Variants in KIF26B observed in about 807,000 individuals in gnomAD.
KIF26B encodes the protein kinesin-like protein KIF26B.
In KIF26B, 63 loss-of-function variants were observed where a neutral mutation model predicts 151.2. That is an observed-to-expected ratio of 0.42 (90% confidence interval 0.34 to 0.51). KIF26B has a LOEUF of 0.51. Ranked by LOEUF, KIF26B falls within the 20% of genes least tolerant of loss-of-function variation. The pLI is 0.07. For synonymous variants in KIF26B, 1,357 were observed against 1,262.1 expected, an observed-to-expected ratio of 1.08 and a Z score of -1.59; for missense variants, 2,813 against 2,913.6, an observed-to-expected ratio of 0.97 and a Z score of 0.79.
At chr1:245,670,037 A>G (rs896830115) in intron 10 of KIF26B, among the ~76,000 whole-genome samples, 4 of 152,076 alleles carry the variant, frequency 2.6e-5, no homozygotes, top group Non-Finnish European at 4.4e-5. Context: ...AACATATACT[A>G]CTTCGGTGAC....
At chr1:245,260,961 C>G (rs528704791) in intron 2 of KIF26B, among the ~76,000 whole-genome samples, 1 of 152,274 alleles carries the variant, frequency 6.6e-6, no homozygotes, top group South Asian at 2.1e-4. Context: ...ATCACAGAGT[C>G]ACAGATGTCA....
chr1:245,386,039 A>G (rs758564157), intron 3 of KIF26B, among the ~76,000 whole-genome samples: 9 of 152,092 alleles, frequency 5.9e-5, no homozygotes, highest in Admixed American at 4.6e-4. Context: ...TCAGGAGTTC[A>G]AGACCACCCT....
intron 14 of KIF26B, among the ~76,000 whole-genome samples, chr1:245,699,519 A>T (rs2044740123): frequency 6.6e-6 from 1 of 152,044 alleles, no homozygotes; most frequent in Non-Finnish European, 1.5e-5. Context: ...AGACAGCCAC[A>T]GTGTTATTTC....
At chr1:245,565,527 C>A (rs1323274719) in intron 5 of KIF26B, among the ~76,000 whole-genome samples, 3 of 152,094 alleles carry the variant, frequency 2.0e-5, no homozygotes, top group Non-Finnish European at 4.4e-5. Flanking sequence ...TGGCCTCAAG[C>A]AAGTTGCCCT....
chr1:245,636,610 G>A (rs1442016749), intron 9 of KIF26B, among the ~76,000 whole-genome samples: 1 of 151,778 alleles, frequency 6.6e-6, no homozygotes, highest in Non-Finnish European at 1.5e-5. Flanking sequence ...TTATCTAACT[G>A]TATGTTTGTA....
At chr1:245,636,431 T>A (rs2043835037) in intron 9 of KIF26B, among the ~76,000 whole-genome samples, 1 of 152,026 alleles carries the variant, frequency 6.6e-6, no homozygotes, top group African/African-American at 2.4e-5. Context: ...GTTGTACATA[T>A]TTTTGGAGTA....
intron 2 of KIF26B, among the ~76,000 whole-genome samples, chr1:245,366,163 A>T (rs1168369470): frequency 6.6e-6 from 1 of 152,164 alleles, no homozygotes; most frequent in Non-Finnish European, 1.5e-5. Flanking sequence ...TCATGCCTGG[A>T]CAAATGTTTG....
chr1:245,513,198 T>G (rs1187014672), intron 4 of KIF26B, among the ~76,000 whole-genome samples: 1 of 94,066 alleles, frequency 1.1e-5, no homozygotes, highest in African/African-American at 4.2e-5. Flanking sequence ...GGTGGACAGC[T>G]CCAACCTGCA....
At chr1:245,665,808 C>T (rs2044206493) in intron 10 of KIF26B, among the ~76,000 whole-genome samples, 1 of 152,072 alleles carries the variant, frequency 6.6e-6, no homozygotes, top group African/African-American at 2.4e-5. Flanking sequence ...CCTCAGCCTC[C>T]CAAGTAGCTG....
In KIF26B at chr1:245,698,182, A is replaced by C; in HGVS notation, c.5901A>C (p.Thr1967=). 1.2e-6 allele frequency: 2 copies of C among 1,614,038 alleles called. No homozygotes were observed. The highest frequency in any genetic ancestry group is 1.1e-5 in the South Asian group (1 of 91,078). The change falls in exon 13 of 15, where the codon ACA becomes ACC. Residue 1967 remains threonine (T), a synonymous_variant. Transcript: ENST00000407071. The surrounding 1 kb of genome is among the most constrained non-coding windows in gnomAD (Gnocchi z 4.0). ...CTGTGAGAAAACCCCCCAACAGCACAGGCGTCCGCTGGGTGGATGGCCCCT... is the reference window on the plus strand; with the variant it reads ...CTGTGAGAAAACCCCCCAACAGCACCGGCGTCCGCTGGGTGGATGGCCCCT... ...SSPVRKPPNS[T]GVRWVDGPLR... is the part of the protein sequence containing the mutation.
chr1:245,698,129 C>G lies in KIF26B; in HGVS notation c.5848C>G (p.Pro1950Ala), dbSNP rs750009765. The G allele has an allele frequency of 6.2e-7, 1 of 1,613,952 alleles. No individual in the cohort carries two copies. The highest frequency in any genetic ancestry group is 8.5e-7 in the Non-Finnish European group (1 of 1,179,860). ...NPGSQRRRLI[P>A]ALSLDTSSPV... The stretch of plus-strand genomic sequence containing the variant: ...AGGTTCTCAGAGACGGAGGCTTATC[C>G]CAGCACTATCCCTGGACACCTCTTC... The change falls in exon 13 of 15, where the codon CCA (proline) becomes GCA (alanine). Residue 1950 changes from proline (P) to alanine (A), a missense_variant. By Grantham distance (27) the Pro-to-Ala change is conservative (BLOSUM62 -1). This residue lies in a region of KIF26B where 2,060 missense variants were observed against 2,088.6 expected (regional missense o/e 0.99). Coordinates refer to ENST00000407071, the MANE Select transcript of KIF26B (RefSeq NM_018012.4). The surrounding 1 kb of genome is among the most constrained non-coding windows in gnomAD (Gnocchi z 4.0).
At chr1:245,325,137 G>T (rs1377900109) in intron 2 of KIF26B, among the ~76,000 whole-genome samples, 2 of 150,386 alleles carry the variant, frequency 1.3e-5, no homozygotes, top group Admixed American at 6.6e-5. Flanking sequence ...GAAAGAAAAT[G>T]ATATTCATTG....
At chr1:245,283,662 A>AT (rs1671106588) in intron 2 of KIF26B, among the ~76,000 whole-genome samples, 1 of 150,482 alleles carries the variant, frequency 6.6e-6, no homozygotes, top group African/African-American at 2.4e-5. Context: ...GAAAAAGAAC[A>AT]TCCATTTACC....
Position 245,686,286 on chromosome 1 carries a change from C to G in KIF26B, c.3303C>G (p.Pro1101=). Residue 1101 remains proline (P), a synonymous_variant, in exon 12 of 15, where the codon CCC becomes CCG. Transcript: ENST00000407071. This position sits in a 1 kb window ranked among gnomAD's most constrained non-coding sequence, Gnocchi z 5.6. ...VYTQKGVLPS[P]APLPPSSKDS... is the part of the protein sequence containing the mutation. ...CCCAGAAGGGGGTCCTGCCGTCTCCCGCCCCACTGCCTCCCTCGAGCAAGG... is the reference window on the plus strand; with the variant it reads ...CCCAGAAGGGGGTCCTGCCGTCTCCGGCCCCACTGCCTCCCTCGAGCAAGG... The G allele has an allele frequency of 1.9e-6, 3 of 1,613,024 alleles. No homozygotes were observed. The highest frequency in any genetic ancestry group is 2.2e-5 in the East Asian group (1 of 44,862).
intron 4 of KIF26B, among the ~76,000 whole-genome samples, chr1:245,446,840 G>A (rs1659259639): frequency 6.6e-6 from 1 of 152,170 alleles, no homozygotes; most frequent in Admixed American, 6.5e-5. Flanking sequence ...ATATAGAGAA[G>A]CAAATCGTTA....
intron 4 of KIF26B, among the ~76,000 whole-genome samples, chr1:245,491,924 T>C (rs1241139561): frequency 6.6e-6 from 1 of 150,560 alleles, no homozygotes; most frequent in Non-Finnish European, 1.5e-5. Context: ...AAAAAAAATC[T>C]GGTAAACTGA....
At chr1:245,494,912 C>T (rs1266034587) in intron 4 of KIF26B, among the ~76,000 whole-genome samples, 1 of 152,000 alleles carries the variant, frequency 6.6e-6, no homozygotes, top group Admixed American at 6.6e-5. Context: ...TGGTGGCGCA[C>T]ACCTGTAGTC....
intron 14 of KIF26B, among the ~76,000 whole-genome samples, chr1:245,700,638 C>CAAAAAT (rs781504590): frequency 7.3e-5 from 11 of 151,670 alleles, no homozygotes; most frequent in Non-Finnish European, 1.5e-4. Context: ...GACCCTGTCT[C>CAAAAAT]AAAAATAAAA....
At chr1:245,694,376 A>G (rs1424971320) in intron 12 of KIF26B, among the ~76,000 whole-genome samples, 1 of 152,218 alleles carries the variant, frequency 6.6e-6, no homozygotes, top group Non-Finnish European at 1.5e-5. Context: ...TACTCTTTGA[A>G]TCAGAATGCA....
Sources: allele counts gnomAD v4.1 joint callset (sites outside exome capture counted in the v4.1 genomes callset), GRCh38; gene constraint gnomAD v4.1.1; regional missense constraint gnomAD v4.1.1; non-coding constraint Gnocchi (gnomAD v3.1); transcripts MANE v1.5; gene names NCBI Gene and HGNC (gene_info 2026-07-23, HGNC 2026-07-21).